FLT1: variants seen among roughly 807,000 people sequenced by gnomAD.
The protein encoded by FLT1 is fms related receptor tyrosine kinase 1.
A neutral mutation model predicts 156.3 loss-of-function variants in FLT1; 49 were observed. The observed-to-expected ratio is 0.31, with a 90% CI of 0.25 to 0.40. The LOEUF (loss-of-function observed/expected upper bound fraction) is 0.40, where lower values mean the gene tolerates loss of function less well. Ranked by LOEUF, FLT1 falls within the 10% of genes least tolerant of loss-of-function variation. FLT1 has a pLI of 1.00. For synonymous variants in FLT1, 594 were observed against 583.8 expected (o/e 1.02, Z -0.25); for missense variants, 1,322 against 1,637.2 (o/e 0.81, Z 3.32).
intron 12 of FLT1, among the ~76,000 whole-genome samples, chr13:28,394,336 G>A (rs964194801): frequency 6.6e-6 from 1 of 152,174 alleles, no homozygotes; most frequent in African/African-American, 2.4e-5. Context: ...AAGTAGGTAT[G>A]TCTGAATCGA....
rs143362869 is a variant in FLT1, at chr13:28,395,735, A to G, written c.1660+1225T>C. The stretch of plus-strand genomic sequence containing the variant: ...AAATTTTGATACTAGGATATATGTA[A>G]TTTGACATTTCTTGTTTGTTTCCTT... On this transcript the variant is annotated intron_variant, in intron 12 of 29. Transcript: ENST00000282397. Among the ~76,000 whole-genome samples, 15 of 152,306 alleles carry G rather than the reference A, an allele frequency of 9.8e-5. No homozygotes were observed. The East Asian group carries it at 2.7e-3, about 27-fold the overall frequency.
chr13:28,427,731 A>C, intron 9 of FLT1, 21 bp downstream of exon 9: 1 of 1,609,868 alleles, frequency 6.2e-7, no homozygotes, highest in South Asian at 1.1e-5. Flanking sequence ...AACCAGAAGA[A>C]AGTATGAACA....
At chr13:28,309,058 C>T (rs1870874562) in intron 27 of FLT1, 131 bp from the exon 28 acceptor site, 1 of 657,752 alleles carries the variant, frequency 1.5e-6, no homozygotes, top group African/African-American at 1.8e-5. Context: ...ACTCCTGAGG[C>T]CCCGATCTCC....
At chr13:28,452,395 A>G (rs140894522) in intron 3 of FLT1, among the ~76,000 whole-genome samples, 2 of 152,292 alleles carry the variant, frequency 1.3e-5, no homozygotes, top group East Asian at 3.9e-4. Context: ...GAGATGATGT[A>G]TGTATTAATA....
At chr13:28,427,347 A>C in intron 9 of FLT1, 29 bp from the exon 10 acceptor site, 1 of 1,609,730 alleles carries the variant, frequency 6.2e-7, no homozygotes, top group Non-Finnish European at 8.5e-7. Flanking sequence ...ACGGGACAGA[A>C]GTCAAGAGCA....
chr13:28,427,340 G>A (rs2137538768), intron 9 of FLT1, 22 bp from the exon 10 acceptor site: 1 of 1,613,106 alleles, frequency 6.2e-7, no homozygotes, highest in Non-Finnish European at 8.5e-7. Context: ...ATGAAGAACG[G>A]GACAGAAGTC....
At chr13:28,334,726 C>A (rs1308078971) in intron 17 of FLT1, among the ~76,000 whole-genome samples, 1 of 152,222 alleles carries the variant, frequency 6.6e-6, no homozygotes, top group Non-Finnish European at 1.5e-5. Flanking sequence ...GCCTGGTCAA[C>A]CACTGGTAGT....
intron 14 of FLT1, among the ~76,000 whole-genome samples, chr13:28,380,381 C>T (rs1157160682): frequency 6.6e-6 from 1 of 152,134 alleles, no homozygotes; most frequent in Non-Finnish European, 1.5e-5. Flanking sequence ...ATTGCATTTG[C>T]TCCTGAAATG....
At chr13:28,357,187 C>G (rs1176478314) in intron 15 of FLT1, among the ~76,000 whole-genome samples, 1 of 151,618 alleles carries the variant, frequency 6.6e-6, no homozygotes, top group Non-Finnish European at 1.5e-5. Flanking sequence ...CCCTCCTCAC[C>G]TACCCCCCTC....
chr13:28,385,910 G>A (rs998403121), intron 13 of FLT1: 41 of 1,045,710 alleles, frequency 3.9e-5, no homozygotes, highest in Non-Finnish European at 4.3e-5. Flanking sequence ...ATACATTCTA[G>A]TTAGGAGGGT....
chr13:28,357,663 G>T lies in FLT1; in HGVS notation c.2139C>A (p.Ser713Arg). ...TGACTCTTTCAATAAACAGCGTGCT[G>T]CTTCCTGGTCCTAAAATAATTCCTG... Reference protein sequence around the residue: ...QEPGIILGPGSSTLFIERVTE... With the variant: ...QEPGIILGPGRSTLFIERVTE... Residue 713 changes from serine to arginine, a missense_variant, in exon 15 of 30, where the codon AGC becomes AGA. Coordinates refer to ENST00000282397, the MANE Select transcript of FLT1 (RefSeq NM_002019.4). 6.2e-7 allele frequency: 1 copy of T among 1,613,786 alleles called. No individual in the cohort carries two copies. Among genetic ancestry groups the T allele is most frequent in the Non-Finnish European group, 8.5e-7 (1 of 1,179,784 alleles).
intron 12 of FLT1, among the ~76,000 whole-genome samples, chr13:28,395,985 C>CA (rs1405646555): frequency 9.9e-5 from 15 of 152,178 alleles, no homozygotes; most frequent in Non-Finnish European, 1.6e-4. Context: ...AAGGACAGTG[C>CA]AAACCTTTGT....
At position 28,477,602 on chromosome 13, in the gene FLT1, G is replaced by A. The variant is rs73437305; in HGVS notation, c.65-9985C>T. Among the ~76,000 whole-genome samples the A allele has an allele frequency of 4.2e-3, 646 of 152,276 alleles. 5 individuals carry two copies. Among genetic ancestry groups the A allele is most frequent in the African/African-American group, 0.015 (614 of 41,548 alleles). On this transcript the variant is annotated intron_variant, in intron 1 of 29. Transcript: ENST00000282397. ...TTCGTCTGGTTATGCAAATGGACAC[G>A]AACAGAGAAAACACTCTTTACACCC...
chr13:28,401,876 A>C (rs148986943), intron 11 of FLT1, among the ~76,000 whole-genome samples: 1 of 152,352 alleles, frequency 6.6e-6, no homozygotes, highest in Non-Finnish European at 1.5e-5. Flanking sequence ...TATTGCTAAC[A>C]CATTAAAATG....
At chr13:28,456,979 A>C (rs1303365138) in intron 3 of FLT1, among the ~76,000 whole-genome samples, 2 of 152,146 alleles carry the variant, frequency 1.3e-5, no homozygotes, top group Non-Finnish European at 2.9e-5. Context: ...CCAAGGGTGA[A>C]CCCTCATGTA....
At chr13:28,304,489 A>G (rs1593663717) in intron 29 of FLT1, among the ~76,000 whole-genome samples, 1 of 149,808 alleles carries the variant, frequency 6.7e-6, no homozygotes, top group African/African-American at 2.5e-5. Context: ...ACTATAACCC[A>G]TATCTGCCCA....
chr13:28,372,046 GTGTATATATATATATATA>G (rs1194904778), intron 14 of FLT1, among the ~76,000 whole-genome samples: 11 of 56,810 alleles, frequency 1.9e-4, no homozygotes, highest in African/African-American at 3.3e-4. Flanking sequence ...GTGTGTGTGT[GTGTATATATATATATATA>G]TATATATATA....
intron 1 of FLT1, among the ~76,000 whole-genome samples, chr13:28,486,620 C>G (rs1332554551): frequency 9.8e-6 from 1 of 101,718 alleles, no homozygotes; most frequent in Non-Finnish European, 2.4e-5. Flanking sequence ...TTAGTCTAGA[C>G]GGGCAATTCA....
chr13:28,444,018 A>G (rs1253112998), intron 3 of FLT1, among the ~76,000 whole-genome samples: 1 of 152,270 alleles, frequency 6.6e-6, no homozygotes, highest in Non-Finnish European at 1.5e-5. Flanking sequence ...TGAGGAAGAT[A>G]TAACAATTAA....
Sources: allele counts gnomAD v4.1 joint callset (sites outside exome capture counted in the v4.1 genomes callset), GRCh38; gene constraint gnomAD v4.1.1; transcripts MANE v1.5; gene names NCBI Gene and HGNC (gene_info 2026-07-23, HGNC 2026-07-21).